The following MAMLD1 variants were observed in gnomAD, a reference collection of about 807,000 sequenced individuals.
MAMLD1 encodes mastermind-like domain-containing protein 1.
Under a neutral mutation model 45.0 loss-of-function variants are expected in MAMLD1, and 14 were observed. The observed-to-expected ratio is 0.31, with a 90% CI of 0.21 to 0.49. The LOEUF (loss-of-function observed/expected upper bound fraction) is 0.49, where lower values mean the gene tolerates loss of function less well. Among genes scored for constraint, MAMLD1 ranks in the 20% least tolerant of loss-of-function variants. The probability of loss-of-function intolerance (pLI) is 0.99; values close to 1 mark genes in which losing one functional copy is unlikely to be tolerated. For synonymous variants in MAMLD1, 254 were observed against 247.8 expected (o/e 1.02, Z -0.24); for missense variants, 543 against 603.6 (o/e 0.90, Z 1.05).
At chrX:150,485,774 C>T (rs2036966064) in intron 5 of MAMLD1, among the ~76,000 whole-genome samples, 1 of 112,094 alleles carries the variant, frequency 8.9e-6, no homozygotes, top group African/African-American at 3.2e-5. Flanking sequence ...TTGATCCATA[C>T]TGAATGTATT....
At chrX:150,366,336 CT>C (rs1346701018) in intron 1 of MAMLD1, among the ~76,000 whole-genome samples, 3 of 111,549 alleles carry the variant, frequency 2.7e-5, no homozygotes, top group South Asian at 7.6e-4. Flanking sequence ...CGTTAACACC[CT>C]CAACGCGCAT....
At chrX:150,463,656 A>G (rs1052250358) in intron 3 of MAMLD1, among the ~76,000 whole-genome samples, 1 of 112,140 alleles carries the variant, frequency 8.9e-6, no homozygotes. Flanking sequence ...TGCCTTTGTC[A>G]GTGCACTTCC....
In MAMLD1 at chrX:150,402,434, G is replaced by C. The variant is rs1473301388; in HGVS notation, c.-64+38904G>C. Among the ~76,000 whole-genome samples, 5 of 109,717 alleles carry C rather than the reference G, an allele frequency of 4.6e-5. No individual in the cohort carries two copies. In the East Asian group the frequency reaches 1.4e-3, roughly 31 times the overall value. On this transcript the variant is annotated intron_variant, in intron 1 of 7. Coordinates refer to ENST00000370401, the MANE Select transcript of MAMLD1 (RefSeq NM_005491.5). The stretch of plus-strand genomic sequence containing the variant: ...AAGTCAGGAAACAACAGGTGCTGGA[G>C]AGGATGTGGAGAAATAGGAACACTT...
At chrX:150,389,289 C>T (rs367755784) in intron 1 of MAMLD1, among the ~76,000 whole-genome samples, 4 of 111,613 alleles carry the variant, frequency 3.6e-5, no homozygotes, top group Non-Finnish European at 5.6e-5. Context: ...TCAGGCAATC[C>T]GCCCACCCTG....
At chrX:150,455,156 G>A (rs1238436308) in intron 2 of MAMLD1, among the ~76,000 whole-genome samples, 2 of 111,664 alleles carry the variant, frequency 1.8e-5, no homozygotes, top group Non-Finnish European at 3.8e-5. Flanking sequence ...CTTTGGGGTG[G>A]GGAACATCAA....
intron 1 of MAMLD1, among the ~76,000 whole-genome samples, chrX:150,404,582 C>T (rs2033952111): frequency 9.0e-6 from 1 of 111,320 alleles, no homozygotes; most frequent in African/African-American, 3.3e-5. Context: ...ATCTAAAGTA[C>T]AATTTGATCA....
At chrX:150,486,724 A>G (rs1345848577) in intron 5 of MAMLD1, among the ~76,000 whole-genome samples, 11 of 111,867 alleles carry the variant, frequency 9.8e-5, no homozygotes, top group African/African-American at 3.6e-4. Context: ...TGGTCAGTAT[A>G]TAGCTCTTCA....
intron 5 of MAMLD1, among the ~76,000 whole-genome samples, chrX:150,481,904 GAGAGAC>G (rs1288361120): frequency 2.8e-4 from 29 of 101,927 alleles, no homozygotes; most frequent in East Asian, 1.8e-3. Flanking sequence ...AAGAAAGAAA[GAGAGAC>G]AGAGACAGAG....
intron 2 of MAMLD1, among the ~76,000 whole-genome samples, chrX:150,449,826 T>C (rs1197506180): frequency 9.0e-6 from 1 of 110,774 alleles, no homozygotes; most frequent in African/African-American, 3.3e-5. Flanking sequence ...CAAATCTATC[T>C]TACTCTGTAG....
At chrX:150,404,787 T>C (rs950390082) in intron 1 of MAMLD1, among the ~76,000 whole-genome samples, 18 of 112,432 alleles carry the variant, frequency 1.6e-4, no homozygotes, top group African/African-American at 5.8e-4. Context: ...CCTTTATGCC[T>C]GGTTTCTTTC....
At chrX:150,486,786 T>C (rs1298741537) in intron 5 of MAMLD1, among the ~76,000 whole-genome samples, 1 of 110,234 alleles carries the variant, frequency 9.1e-6, no homozygotes, top group East Asian at 2.8e-4. Context: ...AAAGTAAGAG[T>C]GCAATAAAAA....
intron 1 of MAMLD1, among the ~76,000 whole-genome samples, chrX:150,435,432 T>A (rs5970124): frequency 0.016 from 1,772 of 111,657 alleles, 42 homozygotes; most frequent in African/African-American, 0.055. Flanking sequence ...AAGAATTGCT[T>A]GAACCTGGGA....
chrX:150,471,870 T>A (rs77285530), intron 4 of MAMLD1, among the ~76,000 whole-genome samples: 3,620 of 112,454 alleles, frequency 0.032, 158 homozygotes, highest in African/African-American at 0.11. Flanking sequence ...AAGCATTTAA[T>A]CTTATCCCTG....
At chrX:150,462,609 A>G (rs782291476) in intron 2 of MAMLD1, among the ~76,000 whole-genome samples, 163 bp from the exon 3 acceptor site, 1 of 112,207 alleles carries the variant, frequency 8.9e-6, no homozygotes, top group Admixed American at 9.4e-5. Flanking sequence ...CCCACAGTCT[A>G]TGTTCAAGTA....
At chrX:150,383,747 T>C (rs1383273869) in intron 1 of MAMLD1, among the ~76,000 whole-genome samples, 1 of 111,507 alleles carries the variant, frequency 9.0e-6, no homozygotes, top group African/African-American at 3.3e-5. Context: ...CACATATCCA[T>C]TAGCAAACAT....
intron 2 of MAMLD1, among the ~76,000 whole-genome samples, chrX:150,454,357 G>T (rs2035771266): frequency 8.9e-6 from 1 of 112,182 alleles, no homozygotes; most frequent in African/African-American, 3.2e-5. Flanking sequence ...AAACAGCTAA[G>T]TGTACAGTAT....
At chrX:150,450,371 G>A (rs524648) in intron 2 of MAMLD1, among the ~76,000 whole-genome samples, 36,559 of 110,847 alleles carry the variant, frequency 0.33, 4,828 homozygotes, top group East Asian at 0.8. Context: ...AGCAGCCCCT[G>A]CTTCATGCAG....
intron 1 of MAMLD1, among the ~76,000 whole-genome samples, chrX:150,381,770 A>G (rs782639329): frequency 8.9e-6 from 1 of 112,224 alleles, no homozygotes; most frequent in South Asian, 3.7e-4. Context: ...CCTAACGCCT[A>G]ATGAGATTGA....
At chrX:150,505,455 T>C (rs2037695881) in intron 6 of MAMLD1, among the ~76,000 whole-genome samples, 1 of 112,254 alleles carries the variant, frequency 8.9e-6, no homozygotes, top group South Asian at 3.7e-4. Context: ...TGGCCCATAG[T>C]AGACCCATGA....
Sources: allele counts gnomAD v4.1 joint callset (sites outside exome capture counted in the v4.1 genomes callset), GRCh38; gene constraint gnomAD v4.1.1; transcripts MANE v1.5; gene names NCBI Gene and HGNC (gene_info 2026-07-23, HGNC 2026-07-21).